DOCK2: variants seen among roughly 807,000 people sequenced by gnomAD.
The protein encoded by DOCK2 is dedicator of cytokinesis protein 2.
In DOCK2, 87 loss-of-function variants were observed where a neutral mutation model predicts 248.9. The observed-to-expected ratio is 0.35, with a 90% CI of 0.29 to 0.42. DOCK2 has a LOEUF of 0.42. Among genes scored for constraint, DOCK2 ranks in the 10% least tolerant of loss-of-function variants. The pLI is 1.00. For missense variants in DOCK2, 1,747 were observed against 2,300.2 expected, an observed-to-expected ratio of 0.76 and a Z score of 4.92; for synonymous variants, 805 against 821.6, an observed-to-expected ratio of 0.98 and a Z score of 0.35.
At chr5:169,830,173 T>C (rs903102862) in intron 26 of DOCK2, among the ~76,000 whole-genome samples, 5 of 152,240 alleles carry the variant, frequency 3.3e-5, no homozygotes, top group African/African-American at 1.2e-4. Context: ...TCTGGACAAG[T>C]TGCATAAAGC....
intron 6 of DOCK2, among the ~76,000 whole-genome samples, chr5:169,676,945 A>C (rs545549017): frequency 1.3e-5 from 2 of 152,210 alleles, no homozygotes; most frequent in Non-Finnish European, 2.9e-5. Flanking sequence ...CTCACTGTAC[A>C]CCAGGCACCA....
chr5:169,722,480 G>C (rs979748123), intron 22 of DOCK2, among the ~76,000 whole-genome samples: 2 of 152,274 alleles, frequency 1.3e-5, no homozygotes, highest in Middle Eastern at 3.4e-3. Flanking sequence ...AGAGTGCAAG[G>C]GGCAGCATGG....
chr5:170,071,001 C>T lies in DOCK2; in HGVS notation c.4728+1781C>T, dbSNP rs568638978. ...TTCAGACACCGCCCCCTAGTGGCCG[C>T]CTTCTCCTTAGCACCACCCGCTGCT... On this transcript the variant is annotated intron_variant, in intron 46 of 51. Transcript: ENST00000520908. Among the ~76,000 whole-genome samples the T allele has an allele frequency of 2.2e-3, 336 of 152,298 alleles. 2 individuals are homozygous for T. The highest frequency in any genetic ancestry group is 7.6e-3 in the African/African-American group (315 of 41,568).
intron 9 of DOCK2, among the ~76,000 whole-genome samples, chr5:169,691,589 G>C (rs1422600693): frequency 6.6e-6 from 1 of 152,204 alleles, no homozygotes; most frequent in East Asian, 1.9e-4. Context: ...TTAAAACAGG[G>C]TGATGTGATG....
chr5:169,691,456 G>A (rs572041549), intron 9 of DOCK2, among the ~76,000 whole-genome samples: 1 of 152,330 alleles, frequency 6.6e-6, no homozygotes, highest in East Asian at 1.9e-4. Flanking sequence ...TGTGCTCTGT[G>A]CTAAGCACTG....
At chr5:169,787,169 C>T (rs1766035292) in intron 25 of DOCK2, among the ~76,000 whole-genome samples, 1 of 152,240 alleles carries the variant, frequency 6.6e-6, no homozygotes, top group Admixed American at 6.5e-5. Context: ...ACTCTGCTCA[C>T]CGTTGTCTAT....
intron 12 of DOCK2, 112 bp downstream of exon 12, chr5:169,699,570 C>T (rs1760839783): frequency 1.9e-6 from 2 of 1,032,842 alleles, no homozygotes; most frequent in Non-Finnish European, 2.8e-6. Context: ...TCCTTCCAGA[C>T]AGACCACTGG....
chr5:169,817,340 A>G (rs970155590), intron 26 of DOCK2, among the ~76,000 whole-genome samples: 2 of 152,218 alleles, frequency 1.3e-5, no homozygotes, highest in African/African-American at 4.8e-5. Context: ...AACTGAAGTA[A>G]TATCTTTCTA....
At chr5:169,840,724 G>A in intron 26 of DOCK2, 33 bp from the exon 27 acceptor site, 1 of 1,603,386 alleles carries the variant, frequency 6.2e-7, no homozygotes, top group South Asian at 1.1e-5. Context: ...CAGTGTCCTG[G>A]TTGTCACATA....
intron 41 of DOCK2, among the ~76,000 whole-genome samples, chr5:170,051,053 A>G (rs751698410): frequency 1.1e-4 from 17 of 152,200 alleles, no homozygotes; most frequent in South Asian, 2.1e-4. Context: ...CATGCAGAGT[A>G]CTGTGGTTGG....
chr5:170,050,439 C>T, intron 41 of DOCK2, 42 bp downstream of exon 41: 1 of 1,579,488 alleles, frequency 6.3e-7, no homozygotes, highest in Non-Finnish European at 8.6e-7. Context: ...CAGACCTGAG[C>T]AGCCCTGCCA....
At chr5:169,812,230 A>G (rs1275789083) in intron 26 of DOCK2, among the ~76,000 whole-genome samples, 3 of 152,232 alleles carry the variant, frequency 2.0e-5, no homozygotes, top group African/African-American at 4.8e-5. Context: ...CAGCGACGGC[A>G]TTAAATTCTC....
At chr5:169,933,666 C>G (rs1457260957) in intron 27 of DOCK2, among the ~76,000 whole-genome samples, 1 of 152,152 alleles carries the variant, frequency 6.6e-6, no homozygotes, top group Admixed American at 6.5e-5. Flanking sequence ...AGTCAGGGGA[C>G]CTTACTGGCC....
intron 6 of DOCK2, among the ~76,000 whole-genome samples, chr5:169,678,294 G>A (rs1197303109): frequency 7.1e-6 from 1 of 140,330 alleles, no homozygotes; most frequent in African/African-American, 2.6e-5. Flanking sequence ...TTTCTTTTTT[G>A]AGACAGAGTC....
chr5:169,768,012 G>T (rs184049636), intron 25 of DOCK2, among the ~76,000 whole-genome samples: 12 of 152,318 alleles, frequency 7.9e-5, no homozygotes, highest in Non-Finnish European at 1.6e-4. Flanking sequence ...TCTGATGAAG[G>T]TCATATGCCT....
At chr5:169,644,019 G>A (rs1004669271) in intron 1 of DOCK2, among the ~76,000 whole-genome samples, 4 of 152,142 alleles carry the variant, frequency 2.6e-5, no homozygotes, top group Non-Finnish European at 5.9e-5. Flanking sequence ...AGAACGAATA[G>A]CCAATATAAA....
intron 29 of DOCK2, among the ~76,000 whole-genome samples, chr5:169,990,087 TG>T (rs11290069): frequency 0.072 from 4,733 of 65,624 alleles, 263 homozygotes; most frequent in African/African-American, 0.36. Flanking sequence ...ACCCTCTTAA[TG>T]TTTTTTTTTT....
intron 36 of DOCK2, 83 bp from the exon 37 acceptor site, chr5:170,040,972 G>T: frequency 1.6e-6 from 2 of 1,261,316 alleles, no homozygotes; most frequent in Non-Finnish European, 2.3e-6. Flanking sequence ...GTGCCCAGTT[G>T]TTCTCTGGGC....
At chr5:169,822,796 C>CA (rs1026166774) in intron 26 of DOCK2, among the ~76,000 whole-genome samples, 2 of 151,708 alleles carry the variant, frequency 1.3e-5, no homozygotes, top group African/African-American at 4.8e-5. Flanking sequence ...GATAGAGACA[C>CA]AAAAAAACCC....
Sources: gnomAD v4.1 joint callset for allele counts (sites outside exome capture counted in the v4.1 genomes callset) on GRCh38, gnomAD v4.1.1 for gene constraint, MANE v1.5 for transcripts, NCBI Gene and HGNC (gene_info 2026-07-23, HGNC 2026-07-21) for gene names.